The following PPM1H variants were observed in gnomAD, a reference collection of about 807,000 sequenced individuals.
PPM1H encodes the protein protein phosphatase 1H.
PPM1H carries 27 observed loss-of-function variants against 54.9 expected under a neutral mutation model. The ratio of observed to expected loss-of-function variants is 0.49; its 90% CI spans 0.36 to 0.68. The LOEUF (loss-of-function observed/expected upper bound fraction) is 0.68, where lower values mean the gene tolerates loss of function less well. Ranked by LOEUF, PPM1H falls within the 30% of genes least tolerant of loss-of-function variation. PPM1H has a pLI of 0.00. For synonymous variants in PPM1H, 305 were observed against 270.8 expected, an observed-to-expected ratio of 1.13 and a Z score of -1.24; for missense variants, 596 against 667.8, an observed-to-expected ratio of 0.89 and a Z score of 1.19.
At chr12:62,791,232 G>A (rs1277643879) in intron 3 of PPM1H, among the ~76,000 whole-genome samples, 2 of 152,138 alleles carry the variant, frequency 1.3e-5, no homozygotes, top group Non-Finnish European at 2.9e-5. Context: ...TGACTGCCAA[G>A]AATGGTTATC....
At chr12:62,690,679 A>G (rs139845298) in intron 7 of PPM1H, among the ~76,000 whole-genome samples, 26 of 152,304 alleles carry the variant, frequency 1.7e-4, no homozygotes, top group African/African-American at 5.5e-4. Context: ...CCCTACTACA[A>G]AGAAACTTGG....
chr12:62,661,922 A>G (rs1255244645), intron 9 of PPM1H, among the ~76,000 whole-genome samples: 1 of 151,748 alleles, frequency 6.6e-6, no homozygotes, highest in African/African-American at 2.4e-5. Context: ...TCCCCTTGCA[A>G]TTTTCCCTTT....
At chr12:62,723,482 C>A (rs1383068582) in intron 5 of PPM1H, among the ~76,000 whole-genome samples, 1 of 152,044 alleles carries the variant, frequency 6.6e-6, no homozygotes, top group Non-Finnish European at 1.5e-5. Context: ...GGGAGGCAGA[C>A]TTTTTGGGAG....
intron 3 of PPM1H, 23 bp downstream of exon 3, chr12:62,801,793 C>T: frequency 6.2e-7 from 1 of 1,611,920 alleles, no homozygotes; most frequent in Non-Finnish European, 8.5e-7. Context: ...GCCCTGCTGC[C>T]CCAGACTCCC....
intron 1 of PPM1H, among the ~76,000 whole-genome samples, chr12:62,909,832 T>C (rs1320285320): frequency 6.6e-6 from 1 of 152,210 alleles, no homozygotes; most frequent in Non-Finnish European, 1.5e-5. Context: ...CCTTCGCACG[T>C]GGCAGTGAAC....
intron 1 of PPM1H, among the ~76,000 whole-genome samples, chr12:62,878,832 C>A (rs952215556): frequency 2.0e-5 from 3 of 151,928 alleles, no homozygotes; most frequent in African/African-American, 4.8e-5. Context: ...CCCAATTACT[C>A]GGGAGGCTAA....
Position 62,934,440 on chromosome 12 carries a change from C to G in PPM1H, c.245+52G>C. The G allele has an allele frequency of 6.7e-7, 1 of 1,488,102 alleles. No homozygotes were observed. Among genetic ancestry groups the G allele is most frequent in the Non-Finnish European group, 8.9e-7 (1 of 1,120,628 alleles). 92.2% of individuals were successfully genotyped at this position (1,488,102 alleles called of 1,614,324 possible). A position where few individuals can be genotyped will look rare whatever the true frequency, so the allele number is the denominator to read the frequency against. ...GGGAGAGAAGAGGGCTGGAACCGTG[C>G]GGGGAAGGGCCGCGAGGAGAGCAGG... On this transcript the variant is annotated intron_variant, in intron 1 of 9. Transcript: ENST00000228705. The surrounding 1 kb of genome is among the most constrained non-coding windows in gnomAD (Gnocchi z 4.2).
chr12:62,896,863 A>G (rs942850752), intron 1 of PPM1H, among the ~76,000 whole-genome samples: 14 of 152,322 alleles, frequency 9.2e-5, no homozygotes, highest in Admixed American at 7.8e-4. Flanking sequence ...ATGTCCATCA[A>G]TGATAGACTG....
At chr12:62,803,243 G>A (rs1289740943) in intron 2 of PPM1H, among the ~76,000 whole-genome samples, 1 of 152,006 alleles carries the variant, frequency 6.6e-6, no homozygotes, top group African/African-American at 2.4e-5. Context: ...CCTCATCTAC[G>A]TTGGGTTTAG....
intron 1 of PPM1H, among the ~76,000 whole-genome samples, chr12:62,837,913 G>C (rs1288377067): frequency 6.6e-6 from 1 of 152,152 alleles, no homozygotes; most frequent in Non-Finnish European, 1.5e-5. Context: ...AGAGCCTTCA[G>C]GGACAAGGCA....
intron 5 of PPM1H, among the ~76,000 whole-genome samples, chr12:62,731,147 G>T (rs1470662357): frequency 6.6e-6 from 1 of 152,094 alleles, no homozygotes; most frequent in African/African-American, 2.4e-5. Context: ...GGGACCTATT[G>T]TAAACAGAAA....
rs1272550306 is a variant in PPM1H, at chr12:62,646,927, A to C, written c.*1562T>G. ...TCAAACAAATATGAGAACTGGAATT[A>C]GCTCTCTAGCATGCTGGGGGGGTCA... is the stretch of plus-strand genomic sequence containing the variant. On this transcript the variant is annotated 3_prime_UTR_variant, in exon 10 of 10. Transcript: ENST00000228705. 2 of 152,242 alleles carry C rather than the reference A, an allele frequency of 1.3e-5. No individual in the cohort carries two copies. The highest frequency in any genetic ancestry group is 4.8e-5 in the African/African-American group (2 of 41,460). The allele number at this position is 152,242 out of a possible 1,614,324, so 9.4% of individuals were successfully genotyped here.
intron 1 of PPM1H, among the ~76,000 whole-genome samples, chr12:62,920,736 T>C (rs13377720): frequency 0.015 from 2,319 of 152,216 alleles, 65 homozygotes; most frequent in African/African-American, 0.053. Flanking sequence ...TCATAGTCAC[T>C]GTACCTTACA....
chr12:62,858,446 T>C (rs1165715085), intron 1 of PPM1H, among the ~76,000 whole-genome samples: 1 of 120,300 alleles, frequency 8.3e-6, no homozygotes, highest in Non-Finnish European at 1.6e-5. Flanking sequence ...GAGGAAATGC[T>C]TTTTTTGTTG....
chr12:62,876,389 T>A (rs542838031), intron 1 of PPM1H, among the ~76,000 whole-genome samples: 1 of 152,284 alleles, frequency 6.6e-6, no homozygotes, highest in East Asian at 1.9e-4. Flanking sequence ...AAGGTGGAGA[T>A]CCATAATTTT....
chr12:62,696,871 G>A (rs2076117799), intron 6 of PPM1H, among the ~76,000 whole-genome samples: 1 of 152,160 alleles, frequency 6.6e-6, no homozygotes, highest in Non-Finnish European at 1.5e-5. Context: ...ACATGACAAA[G>A]AAATGTGATA....
At chr12:62,831,326 T>C (rs895263977) in intron 2 of PPM1H, among the ~76,000 whole-genome samples, 5 of 152,290 alleles carry the variant, frequency 3.3e-5, no homozygotes, top group African/African-American at 4.8e-5. Context: ...AAGCACATCA[T>C]CTGCTGGCAG....
At chr12:62,775,364 C>A (rs574700558) in intron 4 of PPM1H, among the ~76,000 whole-genome samples, 266 of 152,296 alleles carry the variant, frequency 1.7e-3, no homozygotes, top group Middle Eastern at 0.01. Context: ...CTGGTGTGAA[C>A]CTCAGCCTTG....
chr12:62,825,267 A>G (rs1336477836), intron 2 of PPM1H, among the ~76,000 whole-genome samples: 2 of 152,192 alleles, frequency 1.3e-5, no homozygotes, highest in East Asian at 3.8e-4. Flanking sequence ...GAGAAATAGG[A>G]ATGCTTTTAC....
Sources: gnomAD v4.1 joint callset for allele counts (sites outside exome capture counted in the v4.1 genomes callset) on GRCh38, gnomAD v4.1.1 for gene constraint, Gnocchi (gnomAD v3.1) non-coding constraint, MANE v1.5 for transcripts, NCBI Gene and HGNC (gene_info 2026-07-23, HGNC 2026-07-21) for gene names.